Variants in MYPN observed in about 807,000 individuals in gnomAD.
MYPN encodes sarcomeric protein myopalladin, 145 kDa (MYOP).
In MYPN, 63 loss-of-function variants were observed where a neutral mutation model predicts 129.4. The observed-to-expected ratio is 0.49, with a 90% CI of 0.40 to 0.60. MYPN has a LOEUF of 0.60. MYPN is among the 20% of genes least tolerant of loss of function. The pLI is 0.00. For synonymous variants in MYPN, 629 were observed against 600.9 expected, an observed-to-expected ratio of 1.05 and a Z score of -0.68; for missense variants, 1,596 against 1,635.4, an observed-to-expected ratio of 0.98 and a Z score of 0.42.
chr10:68,106,552 G>GT (rs1353961325), upstream of MYPN: 2 of 673,450 alleles, frequency 3.0e-6, no homozygotes, highest in African/African-American at 3.6e-5. Flanking sequence ...GTTTTGTTTA[G>GT]TTTTTTCATC....
chr10:68,129,790 T>C (rs1399961346), intron 2 of MYPN, among the ~76,000 whole-genome samples: 2 of 152,234 alleles, frequency 1.3e-5, no homozygotes, highest in Non-Finnish European at 2.9e-5. Context: ...TTTTGGAATA[T>C]TGCATTATAC....
At chr10:68,137,583 T>G (rs2042506876) in intron 2 of MYPN, among the ~76,000 whole-genome samples, 1 of 152,156 alleles carries the variant, frequency 6.6e-6, no homozygotes, top group South Asian at 2.1e-4. Flanking sequence ...TTCCAAAAGG[T>G]GATACATTTT....
intron 1 of MYPN, among the ~76,000 whole-genome samples, chr10:68,090,741 T>A (rs992222407): frequency 1.3e-5 from 2 of 152,168 alleles, no homozygotes; most frequent in Non-Finnish European, 2.9e-5. Flanking sequence ...CCATTATGTC[T>A]CCAAGACATA....
chr10:68,155,976 C>T (rs895819814), intron 6 of MYPN, among the ~76,000 whole-genome samples: 1 of 152,174 alleles, frequency 6.6e-6, no homozygotes, highest in African/African-American at 2.4e-5. Context: ...TGAATAACAA[C>T]CAACTGATGG....
At chr10:68,134,624 G>C (rs1382357557) in intron 2 of MYPN, among the ~76,000 whole-genome samples, 1 of 151,986 alleles carries the variant, frequency 6.6e-6, no homozygotes, top group Admixed American at 6.6e-5. Context: ...GTGAAACCCT[G>C]TCTCTACTAA....
At chr10:68,179,656 G>T (rs899262298) in intron 12 of MYPN, among the ~76,000 whole-genome samples, 1 of 152,044 alleles carries the variant, frequency 6.6e-6, no homozygotes, top group Non-Finnish European at 1.5e-5. Context: ...GATTTTAAAA[G>T]ATGAAAACTT....
At chr10:68,185,937 TA>T (rs1286104605) in intron 12 of MYPN, among the ~76,000 whole-genome samples, 3 of 152,226 alleles carry the variant, frequency 2.0e-5, no homozygotes, top group African/African-American at 7.2e-5. Flanking sequence ...TGTGAAGAAT[TA>T]GGCTGAATCA....
At chr10:68,168,228 C>T (rs1305977884) in intron 10 of MYPN, among the ~76,000 whole-genome samples, 3 of 152,160 alleles carry the variant, frequency 2.0e-5, no homozygotes, top group African/African-American at 7.2e-5. Context: ...CAGGTGACCT[C>T]CTGCCCCCTC....
chr10:68,089,972 T>C (rs921031303), intron 1 of MYPN, among the ~76,000 whole-genome samples: 5 of 152,168 alleles, frequency 3.3e-5, no homozygotes, highest in African/African-American at 1.2e-4. Context: ...AGCCTAAGGT[T>C]TTAGTAAATA....
chr10:68,095,924 A>G (rs2041954525), intron 1 of MYPN, among the ~76,000 whole-genome samples: 1 of 152,230 alleles, frequency 6.6e-6, no homozygotes, highest in Non-Finnish European at 1.5e-5. Flanking sequence ...ATTGTATGTT[A>G]TGCATATTTT....
At position 68,194,230 on chromosome 10, in the gene MYPN, C is replaced by T. The variant is rs553811871; in HGVS notation, c.2926-133C>T. 173 of 885,218 alleles carry T rather than the reference C, an allele frequency of 2.0e-4. No individual in the cohort carries two copies. The African/African-American group carries it at 2.8e-3, about 15-fold the overall frequency. 54.8% of individuals were successfully genotyped at this position (885,218 alleles called of 1,614,324 possible). A position where few individuals can be genotyped will look rare whatever the true frequency, so the allele number is the denominator to read the frequency against. On this transcript the variant is annotated intron_variant, in intron 13 of 19. Coordinates refer to ENST00000358913, the MANE Select transcript of MYPN (RefSeq NM_032578.4). ...CAGCCATTTTTAATATGTTTTATAACTTTTTTTCAAGTGCTTCATAAAGTA... is the reference window on the plus strand; with the variant it reads ...CAGCCATTTTTAATATGTTTTATAATTTTTTTTCAAGTGCTTCATAAAGTA...
chr10:68,166,650 C>T lies in MYPN; in HGVS notation c.1957C>T (p.Leu653=). 6.2e-7 allele frequency: 1 copy of T among 1,614,096 alleles called. No individual in the cohort carries two copies. The highest frequency in any genetic ancestry group is 8.5e-7 in the Non-Finnish European group (1 of 1,180,032). The change falls in exon 10 of 20, where the codon CTG becomes TTG. Residue 653 remains leucine (L), a synonymous_variant. Coordinates refer to ENST00000358913, the MANE Select transcript of MYPN (RefSeq NM_032578.4). ...CCCCGTGAAAGAGCCCCCTCCAGTT[C>T]TGGCCAAACCCAAACTGTAAGTAAA... ...SSPVKEPPPV[L]AKPKLDSTQL...
Position 68,148,377 on chromosome 10 carries a change from A to G in MYPN, c.1155A>G (p.Ser385=), listed in dbSNP as rs779840301. ...MNRIQKPNEV[S]SPPTTSAVIP... is the part of the protein sequence containing the mutation. ...GAATCCAGAAGCCAAATGAGGTGTCATCTCCTCCCACTACCTCTGCAGTCA... is the reference window on the plus strand; with the variant it reads ...GAATCCAGAAGCCAAATGAGGTGTCGTCTCCTCCCACTACCTCTGCAGTCA... The change falls in exon 5 of 20, where the codon TCA becomes TCG. Residue 385 remains serine, a synonymous_variant. Coordinates refer to ENST00000358913, the MANE Select transcript of MYPN (RefSeq NM_032578.4). 5 of 1,614,100 alleles carry G rather than the reference A, an allele frequency of 3.1e-6. No homozygotes were observed. The highest frequency in any genetic ancestry group is 1.3e-5 in the African/African-American group (1 of 75,064).
intron 5 of MYPN, 43 bp from the exon 6 acceptor site, chr10:68,149,997 A>C: frequency 6.5e-7 from 1 of 1,538,002 alleles, no homozygotes; most frequent in Middle Eastern, 1.7e-4. Flanking sequence ...TCCATCTAAT[A>C]ATATTAGTAA....
chr10:68,161,597 T>A, intron 7 of MYPN, 132 bp from the exon 8 acceptor site: 1 of 689,918 alleles, frequency 1.4e-6, no homozygotes, highest in South Asian at 1.8e-5. Flanking sequence ...TCTTACTTAA[T>A]ATTGTCACAT....
rs1041955124 is a variant in MYPN at position 68,109,675 on chromosome 10, G to T, written c.-50G>T. ...CTCCCTGGATAATTATCATTGCAGT[G>T]GAGTGCCTGGATTGGACATCCTCAT... On this transcript the variant is annotated 5_prime_UTR_variant, in exon 1 of 20. Coordinates refer to ENST00000358913, the MANE Select transcript of MYPN (RefSeq NM_032578.4). 3 of 453,966 alleles carry T rather than the reference G, an allele frequency of 6.6e-6. No individual in the cohort carries two copies. The highest frequency in any genetic ancestry group is 8.8e-6 in the Non-Finnish European group (2 of 226,770). The allele number at this position is 453,966 out of a possible 1,614,324, so 28.1% of individuals were successfully genotyped here.
chr10:68,150,448 A>G (rs760442991), intron 6 of MYPN, among the ~76,000 whole-genome samples: 73 of 152,302 alleles, frequency 4.8e-4, no homozygotes, highest in African/African-American at 1.5e-3. Flanking sequence ...GAAAAATTCA[A>G]TTGCAGGTAC....
chr10:68,196,474 C>T (rs1216285675), intron 15 of MYPN, among the ~76,000 whole-genome samples: 4 of 103,300 alleles, frequency 3.9e-5, no homozygotes, highest in African/African-American at 6.2e-5. Flanking sequence ...GCAACTATAC[C>T]TTCTTCTTCT....
intron 6 of MYPN, among the ~76,000 whole-genome samples, chr10:68,152,768 C>T (rs1427278082): frequency 1.3e-5 from 2 of 151,980 alleles, no homozygotes; most frequent in African/African-American, 2.4e-5. Context: ...TCCAGAGTAG[C>T]TGGAATAGCA....
Sources: gnomAD v4.1 joint callset for allele counts (sites outside exome capture counted in the v4.1 genomes callset) on GRCh38, gnomAD v4.1.1 for gene constraint, MANE v1.5 for transcripts, NCBI Gene and HGNC (gene_info 2026-07-23, HGNC 2026-07-21) for gene names.